MROH2B: variants seen among roughly 807,000 people sequenced by gnomAD.
MROH2B encodes the protein maestro heat like repeat family member 2B.
MROH2B carries 177 observed loss-of-function variants against 208.6 expected under a neutral mutation model. That is an observed-to-expected ratio of 0.85 (90% confidence interval 0.75 to 0.96). MROH2B has a LOEUF of 0.96. MROH2B is among the 40% of genes least tolerant of loss of function. The pLI is 0.00. For missense variants in MROH2B, 2,002 were observed against 1,878.7 expected, an observed-to-expected ratio of 1.07 and a Z score of -1.21; for synonymous variants, 728 against 659.0, an observed-to-expected ratio of 1.10 and a Z score of -1.60.
chr5:41,003,651 G>T (rs1471717992), intron 37 of MROH2B, among the ~76,000 whole-genome samples: 1 of 152,174 alleles, frequency 6.6e-6, no homozygotes, highest in African/African-American at 2.4e-5. Flanking sequence ...TCTGCAGACT[G>T]TAAGGTAAAT....
At chr5:41,066,073 C>A (rs1488944607) in intron 3 of MROH2B, among the ~76,000 whole-genome samples, 1 of 152,052 alleles carries the variant, frequency 6.6e-6, no homozygotes, top group Non-Finnish European at 1.5e-5. Context: ...ACCATGAACA[C>A]AAGACTTACA....
intron 30 of MROH2B, among the ~76,000 whole-genome samples, chr5:41,010,629 A>T (rs962274): frequency 0.35 from 52,931 of 152,046 alleles, 9,369 homozygotes; most frequent in South Asian, 0.44. Context: ...AAGACATGAG[A>T]ATAGGTGGAG....
chr5:41,006,040 AAAAAAAG>A (rs1346197257), intron 34 of MROH2B, among the ~76,000 whole-genome samples: 8 of 151,586 alleles, frequency 5.3e-5, no homozygotes, highest in South Asian at 2.1e-4. Flanking sequence ...TCCAAAAAAA[AAAAAAAG>A]AAAAAAGAAA....
At chr5:41,070,742 C>G (rs1411017932) in intron 1 of MROH2B, 83 bp downstream of exon 1, 4 of 1,442,216 alleles carry the variant, frequency 2.8e-6, no homozygotes, top group Non-Finnish European at 3.8e-6. Context: ...ACGCGCCACT[C>G]CCAGCCCTCA....
At chr5:40,998,761 G>A in intron 40 of MROH2B, 84 bp from the exon 41 acceptor site, 1 of 1,099,660 alleles carries the variant, frequency 9.1e-7, no homozygotes, top group Middle Eastern at 2.0e-4. Flanking sequence ...CTCTGCACCT[G>A]GTGAGAAGGT....
Position 41,000,132 on chromosome 5 carries a change from A to C in MROH2B, c.4482+88T>G. The C allele has an allele frequency of 3.2e-6, 5 of 1,548,838 alleles. No individual in the cohort carries two copies. In the Admixed American group the frequency reaches 5.8e-5, roughly 18 times the overall value. On this transcript the variant is annotated intron_variant, in intron 39 of 41. Coordinates refer to ENST00000399564, the MANE Select transcript of MROH2B (RefSeq NM_173489.5). ...CCAAGGCAGTTCTGGCTCTGGCCAG[A>C]AATTCCTTGCTACATTGTTTGCCCT...
intron 28 of MROH2B, among the ~76,000 whole-genome samples, chr5:41,016,801 A>T (rs1741970441): frequency 6.6e-6 from 1 of 151,886 alleles, no homozygotes; most frequent in African/African-American, 2.4e-5. Context: ...TTTAGTTCTC[A>T]CTTCCTTAAT....
chr5:41,058,452 T>C (rs983726239), intron 6 of MROH2B, among the ~76,000 whole-genome samples: 16 of 152,124 alleles, frequency 1.1e-4, no homozygotes, highest in Admixed American at 4.6e-4. Flanking sequence ...TTCTCTCCTA[T>C]TTTTTATTTT....
intron 24 of MROH2B, among the ~76,000 whole-genome samples, chr5:41,023,657 C>T (rs531640416): frequency 6.6e-6 from 1 of 152,064 alleles, no homozygotes; most frequent in Non-Finnish European, 1.5e-5. Flanking sequence ...GGCAGGCCAA[C>T]ATTCAAATTC....
chr5:40,999,807 GC>G, intron 39 of MROH2B, 28 bp from the exon 40 acceptor site: 3 of 1,597,040 alleles, frequency 1.9e-6, no homozygotes, highest in Non-Finnish European at 2.6e-6. Context: ...TTCAAAGAGG[GC>G]AACTGGAAAG....
intron 34 of MROH2B, among the ~76,000 whole-genome samples, chr5:41,006,899 A>G (rs1741611846): frequency 6.6e-6 from 1 of 152,122 alleles, no homozygotes; most frequent in African/African-American, 2.4e-5. Context: ...TCCTCAGGTG[A>G]TGGGTGCACC....
intron 21 of MROH2B, 163 bp from the exon 22 acceptor site, chr5:41,034,027 C>T: frequency 2.9e-5 from 29 of 984,910 alleles, no homozygotes; most frequent in Non-Finnish European, 3.4e-5. Flanking sequence ...CAATTCACTT[C>T]TTCCATTTTT....
chr5:41,042,922 CTTTAA>C (rs1007585399), intron 18 of MROH2B, among the ~76,000 whole-genome samples: 2 of 152,054 alleles, frequency 1.3e-5, no homozygotes, highest in African/African-American at 4.8e-5. Context: ...TTGAAGATGG[CTTTAA>C]TTTGTTTTAT....
intron 37 of MROH2B, among the ~76,000 whole-genome samples, chr5:41,002,436 C>T (rs1006648050): frequency 6.6e-6 from 1 of 152,122 alleles, no homozygotes; most frequent in Admixed American, 6.5e-5. Context: ...TCTGTTCTAC[C>T]ATTTCATTCA....
At chr5:41,045,908 G>T in intron 17 of MROH2B, 55 bp from the exon 18 acceptor site, 7 of 1,298,754 alleles carry the variant, frequency 5.4e-6, no homozygotes, top group East Asian at 2.4e-5. Flanking sequence ...GTGCTTTCTT[G>T]GCATATTTTT....
chr5:41,053,347 G>A (rs1446842411), intron 11 of MROH2B, among the ~76,000 whole-genome samples: 2 of 151,992 alleles, frequency 1.3e-5, no homozygotes, highest in African/African-American at 4.8e-5. Flanking sequence ...TTCCATTATG[G>A]GTTTCTATCA....
chr5:41,053,632 A>G (rs55705295), intron 11 of MROH2B, among the ~76,000 whole-genome samples: 48,744 of 151,906 alleles, frequency 0.32, 8,565 homozygotes, highest in Non-Finnish European at 0.4. Context: ...TCAGTAGTCT[A>G]CCTAGAGAAG....
intron 36 of MROH2B, 30 bp from the exon 37 acceptor site, chr5:41,004,558 A>G: frequency 6.3e-7 from 1 of 1,593,736 alleles, no homozygotes; most frequent in Non-Finnish European, 8.5e-7. Flanking sequence ...CTTAATCTTG[A>G]AAATTGTTCT....
chr5:41,010,468 G>A (rs558128179), intron 30 of MROH2B, among the ~76,000 whole-genome samples: 11 of 152,202 alleles, frequency 7.2e-5, no homozygotes, highest in Non-Finnish European at 1.6e-4. Context: ...ACAACCGACA[G>A]GGGAATCCAG....
Sources: gnomAD v4.1 joint callset for allele counts (sites outside exome capture counted in the v4.1 genomes callset) on GRCh38, gnomAD v4.1.1 for gene constraint, MANE v1.5 for transcripts, NCBI Gene and HGNC (gene_info 2026-07-23, HGNC 2026-07-21) for gene names.